The following USP34 variants were observed in gnomAD, a reference collection of about 807,000 sequenced individuals.
USP34 encodes the protein ubiquitin specific peptidase 34.
USP34 carries 70 observed loss-of-function variants against 460.3 expected under a neutral mutation model. The ratio of observed to expected loss-of-function variants is 0.15; its 90% CI spans 0.13 to 0.19. USP34 has a LOEUF of 0.19. USP34 is among the 10% of genes least tolerant of loss of function. The pLI is 1.00. For synonymous variants in USP34, 1,647 were observed against 1,405.3 expected (o/e 1.17, Z -3.85); for missense variants, 3,985 against 4,236.2 (o/e 0.94, Z 1.65).
rs200646027 is a variant in USP34, at chr2:61,245,210, C to T, written c.6627G>A (p.Thr2209=). 2.5e-5 allele frequency: 41 copies of T among 1,608,078 alleles called. No individual in the cohort carries two copies. Among genetic ancestry groups the T allele is most frequent in the African/African-American group, 8.1e-5 (6 of 74,446 alleles). Residue 2209 remains threonine (T), a splice_region_variant and synonymous_variant, in exon 51 of 80, where the codon ACG becomes ACA. Transcript: ENST00000398571. ...LASECFGGEM[T]TKTYDSVTDK... ...TTTATAATTTCTGAATAAAACTTAC[C>T]GTCATCTCTCCACCAAAACATTCAG... is the stretch of plus-strand genomic sequence containing the variant.
At chr2:61,437,105 TCAAACAAC>T (rs1319531069) in intron 1 of USP34, among the ~76,000 whole-genome samples, 3 of 152,116 alleles carry the variant, frequency 2.0e-5, no homozygotes, top group Non-Finnish European at 4.4e-5. Context: ...TGGAAAGATT[TCAAACAAC>T]CAATGATGCA....
intron 67 of USP34, among the ~76,000 whole-genome samples, chr2:61,219,446 G>T (rs995760830): frequency 1.3e-5 from 2 of 152,066 alleles, no homozygotes; most frequent in Admixed American, 6.5e-5. Flanking sequence ...AGAGGTGGGC[G>T]GATCACTTGA....
In USP34 at chr2:61,343,825, A is replaced by T; in HGVS notation, c.2490T>A (p.His830Gln). ...ACTGTAGAGTCTTACCTTGACTAAG[A>T]TGTTCATGGTAAATGGAAGCTAAAT... Reference protein sequence around the residue: ...LPNLASIYHEHLSQGPVVHKH... With the variant: ...LPNLASIYHEQLSQGPVVHKH... The change falls in exon 16 of 80, where the codon CAT becomes CAA. Residue 830 changes from histidine (H) to glutamine (Q), a missense_variant. Around this residue, in one of 14 missense-constraint regions of USP34, gnomAD observed 716 missense variants for 626.2 expected, o/e 1.14. Transcript: ENST00000398571. The T allele has an allele frequency of 6.2e-7, 1 of 1,613,762 alleles. No individual in the cohort carries two copies. Among genetic ancestry groups the T allele is most frequent in the Non-Finnish European group, 8.5e-7 (1 of 1,179,700 alleles).
At chr2:61,366,486 T>A (rs1692445589) in intron 10 of USP34, among the ~76,000 whole-genome samples, 2 of 152,116 alleles carry the variant, frequency 1.3e-5, no homozygotes. Context: ...AGGTAACCCA[T>A]CCACCAGAGA....
chr2:61,346,598 G>T (rs1236409341), intron 15 of USP34, among the ~76,000 whole-genome samples: 2 of 145,354 alleles, frequency 1.4e-5, no homozygotes, highest in Non-Finnish European at 3.0e-5. Flanking sequence ...CACTTTGGCA[G>T]GCCGAATCAT....
chr2:61,319,660 C>G (rs1042300295), intron 21 of USP34, among the ~76,000 whole-genome samples: 6 of 151,800 alleles, frequency 4.0e-5, no homozygotes, highest in African/African-American at 1.5e-4. Context: ...GCCTGGCCAA[C>G]ATGGTGAAAC....
intron 1 of USP34, among the ~76,000 whole-genome samples, chr2:61,454,886 GGTT>G (rs1695390826): frequency 1.3e-5 from 1 of 79,336 alleles, no homozygotes; most frequent in African/African-American, 4.9e-5. Flanking sequence ...TTTTTTTTTT[GGTT>G]GTTTATTTGA....
At chr2:61,295,442 A>C in intron 30 of USP34, 152 bp from the exon 31 acceptor site, 2 of 793,500 alleles carry the variant, frequency 2.5e-6, no homozygotes, top group Non-Finnish European at 3.5e-6. Flanking sequence ...TATAACTGGC[A>C]CAAATGGTAT....
At chr2:61,190,188 C>T (rs971986154) in intron 78 of USP34, 83 bp downstream of exon 78, 37 of 1,495,534 alleles carry the variant, frequency 2.5e-5, no homozygotes, top group African/African-American at 4.2e-5. Flanking sequence ...GTTAAAGTTA[C>T]GAGAGTAAAA....
At chr2:61,387,013 G>A (rs763567617) in intron 5 of USP34, among the ~76,000 whole-genome samples, 3 of 151,976 alleles carry the variant, frequency 2.0e-5, no homozygotes, top group Non-Finnish European at 4.4e-5. Flanking sequence ...CTAAAAAGAC[G>A]TCTATCTAAA....
Position 61,311,833 on chromosome 2 carries a change from T to C in USP34, c.3620A>G (p.Gln1207Arg), listed in dbSNP as rs764924613. The C allele has an allele frequency of 1.9e-6, 3 of 1,614,072 alleles. No homozygotes were observed. The South Asian group carries it at 3.3e-5, about 18-fold the overall frequency. Reference sequence around the variant, plus strand: ...GCATACAACCCTTAGCGGCAGAGACTGTTTGTCACTCAGTGCTTTCAAATG... The same window carrying C: ...GCATACAACCCTTAGCGGCAGAGACCGTTTGTCACTCAGTGCTTTCAAATG... Reference protein sequence around the residue: ...SSHLKALSDKQSLPLRVVCQP... With the variant: ...SSHLKALSDKRSLPLRVVCQP... The change falls in exon 26 of 80, where the codon CAG becomes CGG. Residue 1207 changes from glutamine (Q) to arginine (R), a missense_variant. Physicochemically the swap from Gln to Arg is conservative, Grantham distance 43. Around this residue, in one of 14 missense-constraint regions of USP34, gnomAD observed 1,114 missense variants for 1,122.5 expected, o/e 0.99. Coordinates refer to ENST00000398571, the MANE Select transcript of USP34 (RefSeq NM_014709.4).
chr2:61,206,997 G>A, intron 70 of USP34, 111 bp from the exon 71 acceptor site: 1 of 1,149,944 alleles, frequency 8.7e-7, no homozygotes, highest in Non-Finnish European at 1.2e-6. Flanking sequence ...GACTGTGTGT[G>A]CACATGTGTG....
At chr2:61,301,328 A>G in intron 28 of USP34, 26 bp downstream of exon 28, 1 of 1,607,374 alleles carries the variant, frequency 6.2e-7, no homozygotes, top group South Asian at 1.1e-5. Context: ...GATCATTAAA[A>G]CTCAAACCAC....
At chr2:61,285,370 C>T (rs1207202684) in intron 34 of USP34, among the ~76,000 whole-genome samples, 1 of 151,444 alleles carries the variant, frequency 6.6e-6, no homozygotes, top group African/African-American at 2.4e-5. Context: ...GTCTACAGTC[C>T]CATCTACTTT....
chr2:61,321,493 T>A (rs1454806452), intron 21 of USP34, among the ~76,000 whole-genome samples: 1 of 152,056 alleles, frequency 6.6e-6, no homozygotes, highest in African/African-American at 2.4e-5. Flanking sequence ...AAAACAAAAC[T>A]ATCTCAATAA....
chr2:61,246,268 CAT>C (rs1688414823), intron 50 of USP34, 54 bp downstream of exon 50: 1 of 1,347,768 alleles, frequency 7.4e-7, no homozygotes, highest in Non-Finnish European at 9.7e-7. Context: ...ACACTGAAAA[CAT>C]ATCAGAAAAC....
intron 62 of USP34, among the ~76,000 whole-genome samples, chr2:61,223,976 C>T (rs1687661528): frequency 6.6e-6 from 1 of 152,174 alleles, no homozygotes. Context: ...TATTCTGAAG[C>T]AAATTCCAGG....
intron 1 of USP34, among the ~76,000 whole-genome samples, chr2:61,429,898 C>A (rs1694617071): frequency 6.6e-6 from 1 of 151,672 alleles, no homozygotes. Flanking sequence ...CCTGTCTCCA[C>A]TAAAATTTTG....
chr2:61,354,863 T>G (rs1248639700), intron 10 of USP34, among the ~76,000 whole-genome samples: 1 of 152,088 alleles, frequency 6.6e-6, no homozygotes, highest in African/African-American at 2.4e-5. Flanking sequence ...CCAGAATGCT[T>G]CAATGCTCAC....
Sources: allele counts gnomAD v4.1 joint callset (sites outside exome capture counted in the v4.1 genomes callset), GRCh38; gene constraint gnomAD v4.1.1; regional missense constraint gnomAD v4.1.1; transcripts MANE v1.5; gene names NCBI Gene and HGNC (gene_info 2026-07-23, HGNC 2026-07-21).